Variants in NKAIN3 observed in about 807,000 individuals in gnomAD.
The protein encoded by NKAIN3 is sodium/potassium-transporting ATPase subunit beta-1-interacting protein 3.
NKAIN3 carries 25 observed loss-of-function variants against 30.2 expected under a neutral mutation model. The ratio of observed to expected loss-of-function variants is 0.83; its 90% CI spans 0.60 to 1.16. The LOEUF is 1.16. Ranked by LOEUF, NKAIN3 falls within the 50% of genes most tolerant of loss-of-function variation. The pLI, the probability that NKAIN3 is intolerant of heterozygous loss-of-function variation, is 0.00. For synonymous variants in NKAIN3, 91 were observed against 89.6 expected, an observed-to-expected ratio of 1.02 and a Z score of -0.09; for missense variants, 225 against 254.1, an observed-to-expected ratio of 0.89 and a Z score of 0.78.
At chr8:62,345,416 T>C (rs960352087) in intron 1 of NKAIN3, among the ~76,000 whole-genome samples, 2 of 131,280 alleles carry the variant, frequency 1.5e-5, no homozygotes, top group African/African-American at 3.4e-5. Flanking sequence ...TATGTATATA[T>C]ACACATATAT....
intron 1 of NKAIN3, among the ~76,000 whole-genome samples, chr8:62,415,076 A>T (rs1255828191): frequency 6.9e-6 from 1 of 144,644 alleles, no homozygotes; most frequent in Non-Finnish European, 1.5e-5. Context: ...ACATAATTTT[A>T]TACTATATAT....
intron 4 of NKAIN3, among the ~76,000 whole-genome samples, chr8:62,792,682 A>T (rs893764561): frequency 6.6e-6 from 1 of 152,134 alleles, no homozygotes; most frequent in Non-Finnish European, 1.5e-5. Context: ...GGATTGAGGA[A>T]GGGATCTGGT....
chr8:62,595,382 C>CTTTTAT (rs1810792907), intron 3 of NKAIN3, among the ~76,000 whole-genome samples: 1 of 109,954 alleles, frequency 9.1e-6, no homozygotes, highest in African/African-American at 3.5e-5. Context: ...GGGCTATTTT[C>CTTTTAT]TTTTTTTTTT....
At chr8:62,669,518 TA>T (rs2130382983) in intron 3 of NKAIN3, among the ~76,000 whole-genome samples, 1 of 152,338 alleles carries the variant, frequency 6.6e-6, no homozygotes, top group Non-Finnish European at 1.5e-5. Context: ...TTCATCCATT[TA>T]GGGGAAAGGT....
intron 4 of NKAIN3, among the ~76,000 whole-genome samples, chr8:62,747,635 G>A (rs897191834): frequency 1.3e-5 from 2 of 152,152 alleles, no homozygotes; most frequent in African/African-American, 2.4e-5. Flanking sequence ...ATACAGAAAC[G>A]AGAAGGAAAT....
chr8:62,635,648 C>T (rs1812102656), intron 3 of NKAIN3, among the ~76,000 whole-genome samples: 1 of 152,052 alleles, frequency 6.6e-6, no homozygotes, highest in Admixed American at 6.6e-5. Flanking sequence ...GGCTCCCTTG[C>T]CCCTCCTGTC....
At chr8:62,854,899 C>G (rs1480847833) in intron 4 of NKAIN3, among the ~76,000 whole-genome samples, 2 of 152,134 alleles carry the variant, frequency 1.3e-5, no homozygotes, top group Non-Finnish European at 2.9e-5. Context: ...GTTTAACATC[C>G]CACTGACATT....
intron 4 of NKAIN3, among the ~76,000 whole-genome samples, chr8:62,875,605 T>C (rs1289145080): frequency 6.6e-6 from 1 of 152,194 alleles, no homozygotes; most frequent in African/African-American, 2.4e-5. Context: ...CAAAGCATCA[T>C]AGTCCTGGTA....
At chr8:62,252,189 A>G (rs1056807501) in intron 1 of NKAIN3, among the ~76,000 whole-genome samples, 9 of 151,942 alleles carry the variant, frequency 5.9e-5, no homozygotes, top group African/African-American at 2.2e-4. Flanking sequence ...CTGTCAGACA[A>G]TGGAGATTAT....
At chr8:62,922,734 A>C (rs1822319805) in intron 5 of NKAIN3, among the ~76,000 whole-genome samples, 1 of 150,794 alleles carries the variant, frequency 6.6e-6, no homozygotes, top group Non-Finnish European at 1.5e-5. Flanking sequence ...ACTGATTCTC[A>C]CAGTGCATAT....
In NKAIN3 at chr8:62,509,105, T is replaced by C. The variant is rs570292048; in HGVS notation, c.55-70434T>C. The stretch of plus-strand genomic sequence containing the variant: ...CAACAAGTGAAGGACATTTAAAGGA[T>C]TGAACTCCAATGTGTGCAAAATCAG... On this transcript the variant is annotated intron_variant, in intron 1 of 6. Coordinates refer to ENST00000623646, the MANE Select transcript of NKAIN3 (RefSeq NM_001304533.3). Among the ~76,000 whole-genome samples, 16 of 152,264 alleles carry C rather than the reference T, an allele frequency of 1.1e-4. No homozygotes were observed. In the South Asian group the frequency reaches 3.3e-3, roughly 32 times the overall value.
chr8:62,767,412 T>C lies in NKAIN3; in HGVS notation c.471+20283T>C, dbSNP rs558659864. On this transcript the variant is annotated intron_variant, in intron 4 of 6. Transcript: ENST00000623646. ...TGGTGACCACCTCATGGAAAGCACC[T>C]ACAAGAGAGGAAAGCAGGGCTGTAA... Among the ~76,000 whole-genome samples, 7 of 152,180 alleles carry C rather than the reference T, an allele frequency of 4.6e-5. 1 individual carries two copies. Among genetic ancestry groups the C allele is most frequent in the South Asian group, 2.1e-4 (1 of 4,820 alleles).
chr8:62,877,881 A>G (rs1820848060), intron 4 of NKAIN3, among the ~76,000 whole-genome samples: 1 of 152,044 alleles, frequency 6.6e-6, no homozygotes, highest in African/African-American at 2.4e-5. Flanking sequence ...TCTCTACTAA[A>G]AATGCAAAAT....
intron 4 of NKAIN3, among the ~76,000 whole-genome samples, chr8:62,881,224 C>T (rs781249262): frequency 3.0e-4 from 45 of 152,114 alleles, no homozygotes; most frequent in Non-Finnish European, 5.7e-4. Context: ...GACCTCCATC[C>T]ATCATTATAG....
chr8:62,560,920 T>C (rs899846281), intron 1 of NKAIN3, among the ~76,000 whole-genome samples: 7 of 152,292 alleles, frequency 4.6e-5, no homozygotes, highest in African/African-American at 1.4e-4. Flanking sequence ...AGTTCTACAA[T>C]TTTTTATTCT....
intron 1 of NKAIN3, among the ~76,000 whole-genome samples, chr8:62,452,497 TAAACAAAC>T (rs545794653): frequency 6.6e-6 from 1 of 150,682 alleles, no homozygotes; most frequent in South Asian, 2.1e-4. Flanking sequence ...AATAAATAAA[TAAACAAAC>T]AAACAAACAA....
At chr8:62,372,969 C>T (rs567064423) in intron 1 of NKAIN3, among the ~76,000 whole-genome samples, 1 of 152,146 alleles carries the variant, frequency 6.6e-6, no homozygotes, top group Non-Finnish European at 1.5e-5. Context: ...CAAGCAAATT[C>T]TGCAAAGCAA....
intron 1 of NKAIN3, among the ~76,000 whole-genome samples, chr8:62,463,773 G>C (rs1563410229): frequency 6.6e-6 from 1 of 152,042 alleles, no homozygotes; most frequent in African/African-American, 2.4e-5. Context: ...GTATATCTGT[G>C]ATAAAGTTTA....
chr8:62,835,495 C>A (rs1819330008), intron 4 of NKAIN3, among the ~76,000 whole-genome samples: 1 of 151,418 alleles, frequency 6.6e-6, no homozygotes, highest in South Asian at 2.1e-4. Flanking sequence ...ATTCAACAAG[C>A]AAAAAACCAG....
Sources: allele counts gnomAD v4.1 joint callset (sites outside exome capture counted in the v4.1 genomes callset), GRCh38; gene constraint gnomAD v4.1.1; transcripts MANE v1.5; gene names NCBI Gene and HGNC (gene_info 2026-07-23, HGNC 2026-07-21).